DCAF5: variants seen among roughly 807,000 people sequenced by gnomAD.
The protein encoded by DCAF5 is DDB1- and CUL4-associated factor 5.
A neutral mutation model predicts 80.7 loss-of-function variants in DCAF5; 9 were observed. The observed-to-expected ratio is 0.11, with a 90% CI of 0.07 to 0.19. The LOEUF (loss-of-function observed/expected upper bound fraction) is 0.19. Among genes scored for constraint, DCAF5 ranks in the 10% least tolerant of loss-of-function variants. DCAF5 has a pLI of 1.00. For synonymous variants in DCAF5, 433 were observed against 461.9 expected (o/e 0.94, Z 0.80); for missense variants, 842 against 1,205.7 (o/e 0.70, Z 4.47).
chr14:69,092,008 T>A (rs1455289408), intron 5 of DCAF5, 121 bp from the exon 6 acceptor site: 1 of 784,838 alleles, frequency 1.3e-6, no homozygotes, highest in Non-Finnish European at 2.1e-6. Context: ...AAAGGATATT[T>A]CTGTGCAGTG....
Position 69,053,802 on chromosome 14 carries a change from T to C in DCAF5, c.*55A>G. The C allele has an allele frequency of 8.5e-6, 2 of 234,732 alleles. No homozygotes were observed. Among genetic ancestry groups the C allele is most frequent in the Non-Finnish European group, 1.2e-5 (2 of 161,750 alleles). 14.5% of individuals were successfully genotyped at this position (234,732 alleles called of 1,614,324 possible). On this transcript the variant is annotated 3_prime_UTR_variant, in exon 9 of 9. Transcript: ENST00000341516. ...CCTTTCCTCTGTATTCACTAAACAA[T>C]TTTTTTTTTTTTGTAAGGCTACTTT...
At chr14:69,121,719 T>C (rs1243940165) in intron 2 of DCAF5, among the ~76,000 whole-genome samples, 1 of 152,192 alleles carries the variant, frequency 6.6e-6, no homozygotes, top group African/African-American at 2.4e-5. Flanking sequence ...AGGAGTATGG[T>C]TGATGGAAGC....
intron 5 of DCAF5, among the ~76,000 whole-genome samples, chr14:69,115,420 C>T (rs2040511248): frequency 6.6e-6 from 1 of 152,196 alleles, no homozygotes; most frequent in Non-Finnish European, 1.5e-5. Flanking sequence ...AGATAATCTT[C>T]TGTACTTAAC....
At chr14:69,104,831 T>C (rs1488501431) in intron 5 of DCAF5, among the ~76,000 whole-genome samples, 1 of 151,374 alleles carries the variant, frequency 6.6e-6, no homozygotes. Flanking sequence ...CACTCCAGCC[T>C]GGGCAACGAG....
At chr14:69,114,530 T>G (rs773908699) in intron 5 of DCAF5, among the ~76,000 whole-genome samples, 3 of 152,232 alleles carry the variant, frequency 2.0e-5, no homozygotes, top group Non-Finnish European at 4.4e-5. Context: ...GTATATACAT[T>G]ACATTAAGTT....
intron 5 of DCAF5, among the ~76,000 whole-genome samples, chr14:69,104,612 T>C (rs996330624): frequency 6.6e-6 from 1 of 151,922 alleles, no homozygotes; most frequent in African/African-American, 2.4e-5. Context: ...TCCCAGCACT[T>C]TGGGAGGCCG....
In DCAF5 at chr14:69,053,520, C is replaced by T. The variant is rs903710911; in HGVS notation, c.*337G>A. ...GGTCTTATGAGACAATAAGCGCACA[C>T]GTGCCATTGTGCGTACACAAGAACA... is the stretch of plus-strand genomic sequence containing the variant. On this transcript the variant is annotated 3_prime_UTR_variant, in exon 9 of 9. Coordinates refer to ENST00000341516, the MANE Select transcript of DCAF5 (RefSeq NM_003861.3). 6 of 229,212 alleles carry T rather than the reference C, an allele frequency of 2.6e-5. No individual in the cohort carries two copies. The highest frequency in any genetic ancestry group is 1.0e-4 in the Admixed American group (2 of 19,550). The allele number at this position is 229,212 out of a possible 1,614,324, so 14.2% of individuals were successfully genotyped here.
In DCAF5 at chr14:69,052,910, A is replaced by G. The variant is rs1258372738; in HGVS notation, c.*947T>C. On this transcript the variant is annotated 3_prime_UTR_variant, in exon 9 of 9. Transcript: ENST00000341516. ...ACTAAGCTTCTTCGTTAACACACCT[A>G]TAACAACTACTTTAGTAGCCTGAGC... 5 of 152,262 alleles carry G rather than the reference A, an allele frequency of 3.3e-5. No homozygotes were observed. Among genetic ancestry groups the G allele is most frequent in the South Asian group, 2.1e-4 (1 of 4,832 alleles). The allele number at this position is 152,262 out of a possible 1,614,324, so 9.4% of individuals were successfully genotyped here.
intron 7 of DCAF5, among the ~76,000 whole-genome samples, chr14:69,072,788 A>G (rs1164861315): frequency 6.6e-6 from 1 of 152,226 alleles, no homozygotes; most frequent in African/African-American, 2.4e-5. Flanking sequence ...TCAAAGGGAC[A>G]GACTTGCTGT....
Position 69,116,547 on chromosome 14 carries a change from G to A in DCAF5, c.536-52C>T, listed in dbSNP as rs543569844. On this transcript the variant is annotated intron_variant, in intron 4 of 8. Transcript: ENST00000341516. ...TCACTCCAGGTACCTGTGGGCCACT[G>A]GCAGGCAGATAATCAGGAATGTGAA... 3.1e-6 allele frequency: 5 copies of A among 1,588,752 alleles called. No individual in the cohort carries two copies. The South Asian group carries it at 4.5e-5, about 14-fold the overall frequency.
rs2037751366 is a variant in DCAF5 at position 69,051,260 on chromosome 14, G to A, written c.*2597C>T. On this transcript the variant is annotated 3_prime_UTR_variant, in exon 9 of 9. Coordinates refer to ENST00000341516, the MANE Select transcript of DCAF5 (RefSeq NM_003861.3). ...GTTCTTGATCTAATCAGTGCCATCT[G>A]TCCTGCTATTAAAAATATCTATTAT... 1 of 152,644 alleles carries A rather than the reference G, an allele frequency of 6.6e-6. No homozygotes were observed. Among genetic ancestry groups the A allele is most frequent in the South Asian group, 2.1e-4 (1 of 4,830 alleles). The allele number at this position is 152,644 out of a possible 1,614,324, so 9.5% of individuals were successfully genotyped here. A position where few individuals can be genotyped will look rare whatever the true frequency, so the allele number is the denominator to read the frequency against.
In DCAF5 at chr14:69,152,390, A is replaced by C. The variant is rs755409938; in HGVS notation, c.214+375T>G. On this transcript the variant is annotated intron_variant, in intron 1 of 8. Coordinates refer to ENST00000341516, the MANE Select transcript of DCAF5 (RefSeq NM_003861.3). This position sits in a 1 kb window ranked among gnomAD's most constrained non-coding sequence, Gnocchi z 4.1. ...GCGCTCCTCGGCCTCCTCACCCTCC[A>C]CATCCCCAAAATGCCCCCAGCACCT... 187 of 165,500 alleles carry C rather than the reference A, an allele frequency of 1.1e-3. No homozygotes were observed. Among genetic ancestry groups the C allele is most frequent in the Non-Finnish European group, 1.8e-3 (138 of 76,418 alleles). 10.3% of individuals were successfully genotyped at this position (165,500 alleles called of 1,614,324 possible). A position where few individuals can be genotyped will look rare whatever the true frequency, so the allele number is the denominator to read the frequency against.
At chr14:69,084,590 G>C in intron 6 of DCAF5, 1 of 826,024 alleles carries the variant, frequency 1.2e-6, no homozygotes, top group Non-Finnish European at 2.0e-6. Context: ...GCAGGGATAT[G>C]TTGTTTGTCC....
chr14:69,096,010 T>C (rs1261402686), intron 5 of DCAF5, among the ~76,000 whole-genome samples: 1 of 152,194 alleles, frequency 6.6e-6, no homozygotes, highest in Non-Finnish European at 1.5e-5. Flanking sequence ...TCACAGTTTC[T>C]GATTTAAGGC....
chr14:69,059,773 CTTCTCACTATGATCATCTGTACA>C (rs2038133731), intron 8 of DCAF5, among the ~76,000 whole-genome samples: 1 of 152,160 alleles, frequency 6.6e-6, no homozygotes, highest in African/African-American at 2.4e-5. Context: ...TTTTGCTTTC[CTTCTCACTATGATCATCTGTACA>C]TACTTAATGT....
intron 5 of DCAF5, among the ~76,000 whole-genome samples, chr14:69,098,238 G>C (rs2039806367): frequency 6.6e-6 from 1 of 152,146 alleles, no homozygotes; most frequent in Non-Finnish European, 1.5e-5. Flanking sequence ...AGTACTTACA[G>C]ATCCTGCAGC....
At chr14:69,104,209 C>CCAG (rs748105922) in intron 5 of DCAF5, among the ~76,000 whole-genome samples, 2 of 152,276 alleles carry the variant, frequency 1.3e-5, no homozygotes, top group East Asian at 1.9e-4. Context: ...CATATTCCCA[C>CCAG]CAGCAATATG....
At chr14:69,074,202 T>C (rs1264600851) in intron 7 of DCAF5, among the ~76,000 whole-genome samples, 1 of 152,220 alleles carries the variant, frequency 6.6e-6, no homozygotes, top group Non-Finnish European at 1.5e-5. Flanking sequence ...TTTTGTGTAA[T>C]ATACTTGGCA....
chr14:69,070,951 C>T (rs1375794210), intron 7 of DCAF5, among the ~76,000 whole-genome samples: 2 of 152,094 alleles, frequency 1.3e-5, no homozygotes, highest in East Asian at 1.9e-4. Flanking sequence ...GTGTGCACCA[C>T]TACACCTGGC....
Sources: allele counts gnomAD v4.1 joint callset (sites outside exome capture counted in the v4.1 genomes callset), GRCh38; gene constraint gnomAD v4.1.1; non-coding constraint Gnocchi (gnomAD v3.1); transcripts MANE v1.5; gene names NCBI Gene and HGNC (gene_info 2026-07-23, HGNC 2026-07-21).